Variants in TOMM7 observed in about 807,000 individuals in gnomAD.
TOMM7 encodes translocase of outer mitochondrial membrane 7, also known as mitochondrial import receptor subunit TOM7 homolog.
Under a neutral mutation model 9.5 loss-of-function variants are expected in TOMM7, and 8 were observed. That is an observed-to-expected ratio of 0.84 (90% CI 0.49 to 1.51). The LOEUF (loss-of-function observed/expected upper bound fraction) is 1.51. Ranked by LOEUF, TOMM7 falls within the 40% of genes most tolerant of loss-of-function variation. The pLI, the probability that TOMM7 is intolerant of heterozygous loss-of-function variation, is 0.00. For missense variants in TOMM7, 74 were observed against 63.7 expected (o/e 1.16, Z -0.55); for synonymous variants, 27 against 21.4 (o/e 1.26, Z -0.72).
intron 2 of TOMM7, among the ~76,000 whole-genome samples, chr7:22,816,622 G>A (rs962890788): frequency 2.0e-5 from 3 of 152,210 alleles, no homozygotes; most frequent in African/African-American, 7.2e-5. Context: ...AGGGAAAACA[G>A]AATAACTGCA....
In TOMM7 at chr7:22,818,583, A is replaced by G. The variant is rs141430340; in HGVS notation, c.104-535T>C. On this transcript the variant is annotated intron_variant, in intron 1 of 2. Transcript: ENST00000358435. ...GGTGTGAACCATCATGCCCCGACGAAAACAAACAACTTTTTCAGTGAGCCA... is the reference window on the plus strand; with the variant it reads ...GGTGTGAACCATCATGCCCCGACGAGAACAAACAACTTTTTCAGTGAGCCA... 3.7e-3 allele frequency among the ~76,000 whole-genome samples: 560 copies of G among 152,258 alleles called. 2 individuals carry two copies. The highest frequency in any genetic ancestry group is 6.8e-3 in the Non-Finnish European group (461 of 68,014).
chr7:22,822,519 A>G (rs575744578), intron 1 of TOMM7, among the ~76,000 whole-genome samples, 158 bp downstream of exon 1: 1 of 152,264 alleles, frequency 6.6e-6, no homozygotes, highest in East Asian at 1.9e-4. Flanking sequence ...GGGAACTCGA[A>G]CTCAGGTTAG....
chr7:22,818,033 G>A lies in TOMM7; in HGVS notation c.119C>T (p.Ala40Val), dbSNP rs368578088. The part of the protein sequence containing the change: ...LVIYLGFKRG[A>V]DPGMPEPTVL... ...AGTTGGTTCAGGCATTCCGGGATCT[G>A]CACCCCTCTTAAATCCTGAATCAAG... The change falls in exon 2 of 3, where the codon GCA (alanine) becomes GTA (valine). Residue 40 changes from alanine to valine, a missense_variant. Coordinates refer to ENST00000358435, the MANE Select transcript of TOMM7 (RefSeq NM_019059.5). 3 of 1,613,682 alleles carry A rather than the reference G, an allele frequency of 1.9e-6. No individual in the cohort carries two copies. Among genetic ancestry groups the A allele is most frequent in the Non-Finnish European group, 2.5e-6 (3 of 1,179,820 alleles).
intron 1 of TOMM7, chr7:22,822,283 T>G: frequency 6.5e-7 from 1 of 1,548,982 alleles, no homozygotes; most frequent in Non-Finnish European, 8.7e-7. Flanking sequence ...GTGTCTCGAT[T>G]CCCTGAACAG....
intron 2 of TOMM7, among the ~76,000 whole-genome samples, chr7:22,816,077 A>G (rs1054976105): frequency 1.3e-5 from 2 of 152,212 alleles, no homozygotes; most frequent in Non-Finnish European, 2.9e-5. Flanking sequence ...CACTGTTTTC[A>G]TAAGGAAATG....
chr7:22,822,164 G>C (rs775981108), intron 1 of TOMM7: 3 of 1,550,562 alleles, frequency 1.9e-6, no homozygotes, highest in Non-Finnish European at 1.7e-6. Context: ...CTGTAAAATG[G>C]GGGCAGTAAT....
intron 2 of TOMM7, among the ~76,000 whole-genome samples, chr7:22,814,411 C>A (rs969582863): frequency 6.7e-6 from 1 of 148,700 alleles, no homozygotes; most frequent in African/African-American, 2.5e-5. Context: ...CCTGGCTACT[C>A]GGGAGGCTGA....
intron 1 of TOMM7, among the ~76,000 whole-genome samples, chr7:22,818,843 G>C (rs1392490780): frequency 6.6e-6 from 1 of 150,438 alleles, no homozygotes; most frequent in Non-Finnish European, 1.5e-5. Context: ...GAACTCCTGG[G>C]CTCAAGTGAT....
intron 1 of TOMM7, among the ~76,000 whole-genome samples, chr7:22,821,443 C>G (rs4722190): frequency 0.67 from 100,780 of 149,406 alleles, 34,775 homozygotes; most frequent in East Asian, 0.84. Context: ...AAAACTACAG[C>G]CTGGCCGCGG....
At chr7:22,822,363 G>C in intron 1 of TOMM7, 2 of 1,306,982 alleles carry the variant, frequency 1.5e-6, no homozygotes, top group Non-Finnish European at 2.1e-6. Flanking sequence ...GTGCTAGAGA[G>C]TGAATTAGTG....
intron 2 of TOMM7, among the ~76,000 whole-genome samples, chr7:22,814,217 G>A (rs951117617): frequency 6.6e-6 from 1 of 151,464 alleles, no homozygotes; most frequent in Non-Finnish European, 1.5e-5. Flanking sequence ...GGACTTGGTG[G>A]TGCATGCCTG....
intron 1 of TOMM7, among the ~76,000 whole-genome samples, chr7:22,821,307 G>A (rs2128182784): frequency 6.6e-6 from 1 of 152,154 alleles, no homozygotes; most frequent in African/African-American, 2.4e-5. Flanking sequence ...CTGTGCGGGA[G>A]GCTGAGGCAG....
intron 2 of TOMM7, among the ~76,000 whole-genome samples, chr7:22,817,169 T>C (rs971808957): frequency 2.6e-5 from 4 of 152,022 alleles, no homozygotes; most frequent in African/African-American, 9.7e-5. Context: ...CCTGCCTGTT[T>C]GAGATTATAC....
intron 1 of TOMM7, chr7:22,822,336 A>C: frequency 5.5e-6 from 8 of 1,464,828 alleles, no homozygotes; most frequent in Non-Finnish European, 2.7e-6. Context: ...GAGGAAAAAC[A>C]CCCCGAGAAC....
At chr7:22,816,389 G>A in intron 2 of TOMM7, among the ~76,000 whole-genome samples, 1 of 152,178 alleles carries the variant, frequency 6.6e-6, no homozygotes, top group East Asian at 1.9e-4. Flanking sequence ...GGAAATAACT[G>A]GTCTAAGGCC....
At chr7:22,816,717 C>T (rs1475282575) in intron 2 of TOMM7, among the ~76,000 whole-genome samples, 1 of 152,146 alleles carries the variant, frequency 6.6e-6, no homozygotes, top group African/African-American at 2.4e-5. Context: ...AGCAGCAAGG[C>T]AGATGTGGTG....
chr7:22,821,448 C>T (rs1250660262), intron 1 of TOMM7, among the ~76,000 whole-genome samples: 1 of 146,770 alleles, frequency 6.8e-6, no homozygotes, highest in African/African-American at 2.5e-5. Flanking sequence ...TACAGCCTGG[C>T]CGCGGTGATT....
chr7:22,818,174 C>G, intron 1 of TOMM7, 126 bp from the exon 2 acceptor site: 1 of 794,252 alleles, frequency 1.3e-6, no homozygotes, highest in Non-Finnish European at 2.1e-6. Flanking sequence ...CTAGACCAAC[C>G]AGTACTATCT....
chr7:22,813,410 CA>C (rs1346910729), intron 2 of TOMM7, among the ~76,000 whole-genome samples: 1 of 151,998 alleles, frequency 6.6e-6, no homozygotes, highest in Non-Finnish European at 1.5e-5. Context: ...TAAACAAAAA[CA>C]AAAATGTGAG....
Sources: gnomAD v4.1 joint callset for allele counts (sites outside exome capture counted in the v4.1 genomes callset) on GRCh38, gnomAD v4.1.1 for gene constraint, MANE v1.5 for transcripts, NCBI Gene and HGNC (gene_info 2026-07-23, HGNC 2026-07-21) for gene names.